ZNF804B: variants seen among roughly 807,000 people sequenced by gnomAD.
ZNF804B encodes the protein zinc finger 804B.
In ZNF804B, 80 loss-of-function variants were observed where a neutral mutation model predicts 101.4. The ratio of observed to expected loss-of-function variants is 0.79; its 90% CI spans 0.66 to 0.95. ZNF804B has a LOEUF of 0.95. Ranked by LOEUF, ZNF804B falls within the 40% of genes least tolerant of loss-of-function variation. ZNF804B has a pLI of 0.00. For missense variants in ZNF804B, 1,673 were observed against 1,561.9 expected, an observed-to-expected ratio of 1.07 and a Z score of -1.20; for synonymous variants, 622 against 558.8, an observed-to-expected ratio of 1.11 and a Z score of -1.59.
At chr7:89,125,956 A>G (rs577260713) in intron 1 of ZNF804B, among the ~76,000 whole-genome samples, 1 of 152,068 alleles carries the variant, frequency 6.6e-6, no homozygotes, top group African/African-American at 2.4e-5. Flanking sequence ...TGGCAAGCAC[A>G]TTACTCTGCC....
Position 88,787,158 on chromosome 7 carries a change from A to G in ZNF804B, c.108+27074A>G, listed in dbSNP as rs537773581. 1.7e-4 allele frequency among the ~76,000 whole-genome samples: 26 copies of G among 152,286 alleles called. 1 individual carries two copies. In the South Asian group the frequency reaches 5.0e-3, roughly 29 times the overall value. ...GTTAGAGAACAAAGTGTGAGAAAAG[A>G]CTATGAGAAAGGAGAAAGAGACAAG... On this transcript the variant is annotated intron_variant, in intron 1 of 3. Transcript: ENST00000333190.
chr7:89,208,851 A>G (rs1788758910), intron 1 of ZNF804B, among the ~76,000 whole-genome samples: 1 of 150,892 alleles, frequency 6.6e-6, no homozygotes. Flanking sequence ...TCTGTACTGA[A>G]AATACAAAAA....
At chr7:88,865,672 A>G (rs1052999792) in intron 1 of ZNF804B, among the ~76,000 whole-genome samples, 8 of 152,114 alleles carry the variant, frequency 5.3e-5, no homozygotes, top group African/African-American at 1.2e-4. Flanking sequence ...CCATGTGTCT[A>G]TGCCTCACCC....
At chr7:89,195,827 C>G (rs924491175) in intron 1 of ZNF804B, among the ~76,000 whole-genome samples, 2 of 151,594 alleles carry the variant, frequency 1.3e-5, no homozygotes, top group African/African-American at 4.8e-5. Flanking sequence ...GAAGAAAATA[C>G]CTAGAAATAT....
intron 1 of ZNF804B, among the ~76,000 whole-genome samples, chr7:89,050,561 C>T (rs1192453484): frequency 2.6e-5 from 4 of 152,140 alleles, no homozygotes; most frequent in African/African-American, 9.7e-5. Flanking sequence ...TCCATCAGGA[C>T]TCAATTGTGA....
At chr7:89,219,301 T>A (rs1788944922) in intron 2 of ZNF804B, among the ~76,000 whole-genome samples, 3 of 152,032 alleles carry the variant, frequency 2.0e-5, no homozygotes, top group African/African-American at 4.8e-5. Context: ...ATTAGGTCTT[T>A]GGGAAAGCAA....
At chr7:88,820,451 C>G (rs1790959205) in intron 1 of ZNF804B, among the ~76,000 whole-genome samples, 1 of 152,132 alleles carries the variant, frequency 6.6e-6, no homozygotes, top group South Asian at 2.1e-4. Flanking sequence ...TGCCCATTAT[C>G]TCCTGGGAAA....
At chr7:88,916,315 T>G (rs188188142) in intron 1 of ZNF804B, among the ~76,000 whole-genome samples, 145 of 152,240 alleles carry the variant, frequency 9.5e-4, no homozygotes, top group Middle Eastern at 6.8e-3. Context: ...TGATGACCAT[T>G]AACTCTCACC....
At chr7:88,916,641 T>C (rs1331308263) in intron 1 of ZNF804B, among the ~76,000 whole-genome samples, 7 of 152,194 alleles carry the variant, frequency 4.6e-5, no homozygotes, top group Admixed American at 4.6e-4. Context: ...TTATTTAATA[T>C]ATACAAGTTA....
chr7:89,256,540 CA>C (rs71526639), intron 2 of ZNF804B, among the ~76,000 whole-genome samples: 244 of 118,740 alleles, frequency 2.1e-3, no homozygotes, highest in South Asian at 0.012. Flanking sequence ...GCAAGACTGT[CA>C]AAAAAAAAAA....
chr7:89,129,474 C>T (rs1584003353), intron 1 of ZNF804B, among the ~76,000 whole-genome samples: 1 of 152,048 alleles, frequency 6.6e-6, no homozygotes, highest in South Asian at 2.1e-4. Flanking sequence ...TCCCAAGCAA[C>T]CTAACATAAC....
intron 1 of ZNF804B, among the ~76,000 whole-genome samples, chr7:88,768,217 C>G (rs1177009804): frequency 1.3e-5 from 2 of 152,124 alleles, no homozygotes; most frequent in Non-Finnish European, 2.9e-5. Flanking sequence ...TTGGAAATTT[C>G]CACCTAGTCA....
chr7:88,877,449 A>G (rs1210113116), intron 1 of ZNF804B, among the ~76,000 whole-genome samples: 2 of 152,140 alleles, frequency 1.3e-5, no homozygotes, highest in Admixed American at 1.3e-4. Context: ...ATACATATCT[A>G]TCTGAAGGTA....
At chr7:89,067,173 A>G (rs1379909168) in intron 1 of ZNF804B, among the ~76,000 whole-genome samples, 1 of 152,114 alleles carries the variant, frequency 6.6e-6, no homozygotes, top group Non-Finnish European at 1.5e-5. Flanking sequence ...ATGTATTATA[A>G]GGAATTGGCT....
chr7:89,144,981 C>G (rs983430393), intron 1 of ZNF804B, among the ~76,000 whole-genome samples: 1 of 151,760 alleles, frequency 6.6e-6, no homozygotes, highest in African/African-American at 2.4e-5. Context: ...TGGTGCATTC[C>G]TGTAGTCCCA....
Position 89,335,257 on chromosome 7 carries a change from A to C in ZNF804B, c.2275A>C (p.Lys759Gln). 6.2e-7 allele frequency: 1 copy of C among 1,613,804 alleles called. No homozygotes were observed. The highest frequency in any genetic ancestry group is 8.5e-7 in the Non-Finnish European group (1 of 1,179,942). ...SVERHKRKCL[K>Q]HNCFYLSDDI... ...TGAAAGGCACAAACGGAAATGTCTA[A>C]AGCACAACTGCTTCTACTTGTCTGA... is the stretch of plus-strand genomic sequence containing the variant. Residue 759 changes from lysine to glutamine, a missense_variant, in exon 4 of 4, where the codon AAG becomes CAG. Physicochemically the swap from Lys to Gln is moderately conservative, Grantham distance 53 (BLOSUM62 1). Coordinates refer to ENST00000333190, the MANE Select transcript of ZNF804B (RefSeq NM_181646.5).
chr7:88,824,924 A>G (rs988909397), intron 1 of ZNF804B, among the ~76,000 whole-genome samples: 2 of 152,196 alleles, frequency 1.3e-5, no homozygotes, highest in African/African-American at 4.8e-5. Flanking sequence ...AAAAGTTCTG[A>G]ATGGAGAAGG....
chr7:89,298,165 A>C (rs1790413123), intron 2 of ZNF804B, among the ~76,000 whole-genome samples: 1 of 127,970 alleles, frequency 7.8e-6, no homozygotes, highest in Admixed American at 8.5e-5. Flanking sequence ...ATATATATAT[A>C]TTTCATATAT....
At position 89,250,204 on chromosome 7, in the gene ZNF804B, G is replaced by GT. The variant is rs1395624916; in HGVS notation, c.249+31910dup. 3.8e-3 allele frequency among the ~76,000 whole-genome samples: 570 copies of GT among 151,656 alleles called. 3 individuals are homozygous for GT. Among genetic ancestry groups the GT allele is most frequent in the African/African-American group, 0.013 (547 of 41,370 alleles). Reference sequence around the variant, plus strand: ...TTTGTTTCATTAAAAAAAAATATAGGTAAAAAGAGAGAAGATCCAAATAAG... The same window carrying GT: ...TTTGTTTCATTAAAAAAAAATATAGGTTAAAAAGAGAGAAGATCCAAATAAG... On this transcript the variant is annotated intron_variant, in intron 2 of 3. Transcript: ENST00000333190.
Sources: gnomAD v4.1 joint callset for allele counts (sites outside exome capture counted in the v4.1 genomes callset) on GRCh38, gnomAD v4.1.1 for gene constraint, MANE v1.5 for transcripts, NCBI Gene and HGNC (gene_info 2026-07-23, HGNC 2026-07-21) for gene names.